Variants in LNX2 observed in about 807,000 individuals in gnomAD.
LNX2 encodes the protein ligand of numb-protein X 2, also known as ligand of Numb protein X 2.
LNX2 carries 35 observed loss-of-function variants against 66.2 expected under a neutral mutation model. The ratio of observed to expected loss-of-function variants is 0.53; its 90% CI spans 0.40 to 0.70. The LOEUF is 0.70. Ranked by LOEUF, LNX2 falls within the 30% of genes least tolerant of loss-of-function variation. The pLI is 0.00. For synonymous variants in LNX2, 337 were observed against 315.6 expected, an observed-to-expected ratio of 1.07 and a Z score of -0.72; for missense variants, 791 against 850.8, an observed-to-expected ratio of 0.93 and a Z score of 0.87.
intron 5 of LNX2, among the ~76,000 whole-genome samples, chr13:27,560,585 A>ATATATATATATAGCATACTT: frequency 6.8e-6 from 1 of 147,598 alleles, no homozygotes; most frequent in Non-Finnish European, 1.5e-5. Flanking sequence ...ATATATATAT[A>ATATATATATATAGCATACTT]GCATACTTGT....
At position 27,550,437 on chromosome 13, in the gene LNX2, C is replaced by T. The variant is rs1198900117; in HGVS notation, c.1833G>A (p.Trp611Ter). The change falls in exon 9 of 10, where the codon TGG becomes TGA. Residue 611 changes from tryptophan to a stop codon, truncating the protein, a stop_gained. Transcript: ENST00000316334. LOFTEE classifies it high-confidence loss of function. ...CATATCCACCAACGATACTAAAGCC[C>T]CAACTTCCCAAGTAACTTCTTCGTA... ...IVLRRSYLGS[W>*]GFSIVGGYEE... is the part of the protein sequence containing the mutation. The T allele has an allele frequency of 6.2e-7, 1 of 1,613,884 alleles. No individual in the cohort carries two copies. The highest frequency in any genetic ancestry group is 8.5e-7 in the Non-Finnish European group (1 of 1,179,902).
intron 1 of LNX2, among the ~76,000 whole-genome samples, chr13:27,606,367 T>A (rs1318397059): frequency 8.0e-6 from 1 of 124,800 alleles, no homozygotes; most frequent in Non-Finnish European, 1.6e-5. Context: ...AACAAGGTCA[T>A]GATTTATAGC....
At position 27,562,740 on chromosome 13, in the gene LNX2, G is replaced by T; in HGVS notation, c.897C>A (p.Ala299=). 1 of 1,613,974 alleles carries T rather than the reference G, an allele frequency of 6.2e-7. No individual in the cohort carries two copies. Among genetic ancestry groups the T allele is most frequent in the Non-Finnish European group, 8.5e-7 (1 of 1,179,960 alleles). ...YNISNVSHNY[A]RAVLSQPCNT... is the part of the protein sequence containing the mutation. ...TGCAGGGCTGGGAAAGGACAGCTCG[G>T]GCATAGTTATGGGACACATTGCTGA... is the stretch of plus-strand genomic sequence containing the variant. Residue 299 remains alanine (A), a synonymous_variant, in exon 5 of 10, where the codon GCC becomes GCA. Coordinates refer to ENST00000316334, the MANE Select transcript of LNX2 (RefSeq NM_153371.4).
At chr13:27,605,139 G>A (rs1044685425) in intron 1 of LNX2, among the ~76,000 whole-genome samples, 24 of 152,208 alleles carry the variant, frequency 1.6e-4, no homozygotes, top group African/African-American at 5.3e-4. Context: ...ATTTCACTAC[G>A]TAAGCTTGAA....
At position 27,551,799 on chromosome 13, in the gene LNX2, T is replaced by G. The variant is rs189071131; in HGVS notation, c.1779-1308A>C. 3.3e-4 allele frequency among the ~76,000 whole-genome samples: 50 copies of G among 152,166 alleles called. No homozygotes were observed. In the East Asian group the frequency reaches 8.7e-3, roughly 26 times the overall value. On this transcript the variant is annotated intron_variant, in intron 8 of 9. Coordinates refer to ENST00000316334, the MANE Select transcript of LNX2 (RefSeq NM_153371.4). ...CACTGGCCTGGATTTAAAGGGACAG[T>G]GTTGGTTATTTTCCTAATGCTGCAT...
At chr13:27,617,144 T>G (rs1266065093) in intron 1 of LNX2, among the ~76,000 whole-genome samples, 1 of 152,212 alleles carries the variant, frequency 6.6e-6, no homozygotes, top group South Asian at 2.1e-4. Flanking sequence ...ACCACAGATT[T>G]TCCTACTGCT....
intron 1 of LNX2, among the ~76,000 whole-genome samples, chr13:27,600,731 T>C (rs1200591536): frequency 6.6e-6 from 1 of 152,204 alleles, no homozygotes; most frequent in African/African-American, 2.4e-5. Context: ...GGGCACAGTG[T>C]CAGACCCCTT....
chr13:27,566,237 C>T (rs1955204317), intron 4 of LNX2, among the ~76,000 whole-genome samples: 1 of 152,076 alleles, frequency 6.6e-6, no homozygotes, highest in African/African-American at 2.4e-5. Context: ...TGAACAAAAG[C>T]TTTAAGGATG....
intron 3 of LNX2, among the ~76,000 whole-genome samples, chr13:27,568,210 T>A (rs2138358007): frequency 6.6e-6 from 1 of 152,276 alleles, no homozygotes; most frequent in East Asian, 1.9e-4. Context: ...CTCTGTGGCA[T>A]AGAAACAGCA....
chr13:27,568,274 C>T (rs112768418), intron 3 of LNX2, among the ~76,000 whole-genome samples: 343 of 152,222 alleles, frequency 2.3e-3, no homozygotes, highest in African/African-American at 7.7e-3. Flanking sequence ...GGGTCTTGAA[C>T]GGAGACGTAG....
chr13:27,546,638 T>C lies in LNX2; in HGVS notation c.*1697A>G, dbSNP rs147704711. 30 of 152,308 alleles carry C rather than the reference T, an allele frequency of 2.0e-4. No homozygotes were observed. The highest frequency in any genetic ancestry group is 7.2e-4 in the African/African-American group (30 of 41,584). 9.4% of individuals were successfully genotyped at this position (152,308 alleles called of 1,614,324 possible). On this transcript the variant is annotated 3_prime_UTR_variant, in exon 10 of 10. Coordinates refer to ENST00000316334, the MANE Select transcript of LNX2 (RefSeq NM_153371.4). ...CTACAGATACAATAAACCCCAGCAA[T>C]ACAATTGCTAAGTTTCAAAATAAAG...
chr13:27,555,986 T>A (rs1338650437), intron 7 of LNX2, among the ~76,000 whole-genome samples: 1 of 152,188 alleles, frequency 6.6e-6, no homozygotes, highest in Non-Finnish European at 1.5e-5. Context: ...TTTCCCAAGA[T>A]AAAATAATCT....
In LNX2 at chr13:27,547,451, G is replaced by C. The variant is rs1954953746; in HGVS notation, c.*884C>G. ...AATAGTATATTAAGAAATTTCTTTA[G>C]TGTTGTCAGACTTATTTCTTCATCT... On this transcript the variant is annotated 3_prime_UTR_variant, in exon 10 of 10. Coordinates refer to ENST00000316334, the MANE Select transcript of LNX2 (RefSeq NM_153371.4). 6.6e-6 allele frequency: 1 copy of C among 152,082 alleles called. No individual in the cohort carries two copies. Among genetic ancestry groups the C allele is most frequent in the South Asian group, 2.1e-4 (1 of 4,826 alleles). The allele number at this position is 152,082 out of a possible 1,614,324, so 9.4% of individuals were successfully genotyped here.
chr13:27,549,234 T>G (rs904079437), intron 9 of LNX2, among the ~76,000 whole-genome samples: 1 of 152,206 alleles, frequency 6.6e-6, no homozygotes, highest in African/African-American at 2.4e-5. Flanking sequence ...CATACATTAT[T>G]TAGATGTCAC....
At chr13:27,594,169 A>AT (rs1955573230) in intron 1 of LNX2, among the ~76,000 whole-genome samples, 3 of 152,154 alleles carry the variant, frequency 2.0e-5, no homozygotes. Flanking sequence ...ATAGTTGAAA[A>AT]TATTTCATTG....
At chr13:27,597,957 C>A (rs1955617527) in intron 1 of LNX2, among the ~76,000 whole-genome samples, 1 of 151,988 alleles carries the variant, frequency 6.6e-6, no homozygotes, top group Non-Finnish European at 1.5e-5. Flanking sequence ...CTCCAAAAAG[C>A]CAAAATTTGA....
In LNX2 at chr13:27,581,659, G is replaced by A. The variant is rs1290018255; in HGVS notation, c.45C>T (p.Ser15=). The part of the protein sequence containing the change: ...SDEMVSVEQT[S]SSSLNPLCFE... ...AACACAGGGGGTTTAGAGAAGAGGA[G>A]GAGGTCTGTTCCACAGACACCATCT... Residue 15 remains serine, a synonymous_variant, in exon 2 of 10, where the codon TCC becomes TCT. Transcript: ENST00000316334. 6.2e-7 allele frequency: 1 copy of A among 1,613,562 alleles called. No individual in the cohort carries two copies. The highest frequency in any genetic ancestry group is 1.1e-5 in the South Asian group (1 of 91,014).
rs144167678 is a variant in LNX2, at chr13:27,574,951, C to T, written c.408-5675G>A. Among the ~76,000 whole-genome samples the T allele has an allele frequency of 3.2e-3, 487 of 152,288 alleles. 5 individuals are homozygous for T. Among genetic ancestry groups the T allele is most frequent in the African/African-American group, 0.01 (420 of 41,562 alleles). On this transcript the variant is annotated intron_variant, in intron 2 of 9. Coordinates refer to ENST00000316334, the MANE Select transcript of LNX2 (RefSeq NM_153371.4). ...GAGAGACAGAGAAGGGGAGAAAACT[C>T]TCAACCAGGAAGTCTATATCCAGCC...
intron 2 of LNX2, among the ~76,000 whole-genome samples, chr13:27,569,515 G>A (rs1480708489): frequency 6.6e-6 from 1 of 152,160 alleles, no homozygotes; most frequent in African/African-American, 2.4e-5. Context: ...CAAAGAATAC[G>A]TCAGTAAAAA....
Sources: gnomAD v4.1 joint callset for allele counts (sites outside exome capture counted in the v4.1 genomes callset) on GRCh38, gnomAD v4.1.1 for gene constraint, MANE v1.5 for transcripts, NCBI Gene and HGNC (gene_info 2026-07-23, HGNC 2026-07-21) for gene names.